Variants in FAT3 observed in about 807,000 individuals in gnomAD.
FAT3 encodes the protein FAT atypical cadherin 3, also known as protocadherin Fat 3.
FAT3 carries 95 observed loss-of-function variants against 310.2 expected under a neutral mutation model. That is an observed-to-expected ratio of 0.31 (90% CI 0.26 to 0.36). FAT3 has a LOEUF of 0.36. FAT3 is among the 10% of genes least tolerant of loss of function. FAT3 has a pLI of 1.00. For synonymous variants in FAT3, 2,314 were observed against 2,192.9 expected (o/e 1.06, Z -1.54); for missense variants, 5,408 against 5,715.6 (o/e 0.95, Z 1.74).
At chr11:92,478,257 T>C (rs1248038404) in intron 2 of FAT3, among the ~76,000 whole-genome samples, 8 of 152,236 alleles carry the variant, frequency 5.3e-5, no homozygotes, top group African/African-American at 1.9e-4. Flanking sequence ...TGCTCTTGAA[T>C]TTAATCTTAC....
intron 9 of FAT3, 116 bp from the exon 10 acceptor site, chr11:92,797,720 C>A: frequency 1.2e-6 from 1 of 853,544 alleles, no homozygotes; most frequent in Non-Finnish European, 1.8e-6. Flanking sequence ...CAGATGAGTA[C>A]TATAATTGCT....
At chr11:92,768,050 T>C (rs1946363418) in intron 6 of FAT3, among the ~76,000 whole-genome samples, 1 of 152,170 alleles carries the variant, frequency 6.6e-6, no homozygotes, top group South Asian at 2.1e-4. Context: ...AGGAGTCCCT[T>C]TAAGCTACCT....
chr11:92,723,150 T>G (rs1360381552), intron 4 of FAT3, among the ~76,000 whole-genome samples: 1 of 152,208 alleles, frequency 6.6e-6, no homozygotes, highest in Admixed American at 6.5e-5. Flanking sequence ...GCTGTTTCCC[T>G]TATAAAACTG....
At chr11:92,833,209 A>G (rs1321296646) in intron 14 of FAT3, among the ~76,000 whole-genome samples, 1 of 152,170 alleles carries the variant, frequency 6.6e-6, no homozygotes, top group African/African-American at 2.4e-5. Flanking sequence ...CCTTTGGTGA[A>G]TATTCTCACT....
chr11:92,311,049 T>C (rs12792443), intron 1 of FAT3, among the ~76,000 whole-genome samples: 2,030 of 151,858 alleles, frequency 0.013, 28 homozygotes, highest in Non-Finnish European at 0.021. Flanking sequence ...CACATATATA[T>C]ACACACACAT....
intron 3 of FAT3, among the ~76,000 whole-genome samples, chr11:92,683,273 A>G (rs970096765): frequency 6.6e-6 from 1 of 152,162 alleles, no homozygotes; most frequent in Non-Finnish European, 1.5e-5. Context: ...GAAAGTTAAG[A>G]GAGCTGACTG....
chr11:92,411,041 T>G (rs1307314658), intron 2 of FAT3, among the ~76,000 whole-genome samples: 2 of 127,202 alleles, frequency 1.6e-5, no homozygotes, highest in Admixed American at 7.5e-5. Flanking sequence ...CAGGGTAAAA[T>G]GTATATAATA....
intron 2 of FAT3, among the ~76,000 whole-genome samples, chr11:92,500,675 T>G (rs1184772322): frequency 6.6e-6 from 1 of 152,016 alleles, no homozygotes; most frequent in Non-Finnish European, 1.5e-5. Flanking sequence ...AATGAGGCTT[T>G]TGCAATAGGT....
At chr11:92,574,590 G>C (rs765763695) in intron 3 of FAT3, among the ~76,000 whole-genome samples, 3 of 152,084 alleles carry the variant, frequency 2.0e-5, no homozygotes, top group Non-Finnish European at 4.4e-5. Flanking sequence ...TTTCTCTTCC[G>C]TGGTTGCTTT....
chr11:92,380,520 T>C lies in FAT3; in HGVS notation c.3292+25116T>C, dbSNP rs911032239. On this transcript the variant is annotated intron_variant, in intron 2 of 27. Coordinates refer to ENST00000525166, the MANE Select transcript of FAT3 (RefSeq NM_001367949.2). ...CACATGAGGCGGTGCCCATGTGTCC[T>C]TCATAGTAACACTGTGAGGCATAAT... Among the ~76,000 whole-genome samples, 5 of 152,294 alleles carry C rather than the reference T, an allele frequency of 3.3e-5. No homozygotes were observed. The South Asian group carries it at 1.0e-3, about 32-fold the overall frequency.
chr11:92,337,643 G>T (rs1425078974), intron 1 of FAT3, among the ~76,000 whole-genome samples: 1 of 152,206 alleles, frequency 6.6e-6, no homozygotes, highest in Non-Finnish European at 1.5e-5. Flanking sequence ...TGTTGGCCAG[G>T]CTGGTCTCGA....
intron 4 of FAT3, among the ~76,000 whole-genome samples, chr11:92,749,818 C>T (rs1945781734): frequency 6.6e-6 from 1 of 152,180 alleles, no homozygotes; most frequent in Non-Finnish European, 1.5e-5. Flanking sequence ...TAAATTCCTA[C>T]CCATAGAGAC....
intron 3 of FAT3, among the ~76,000 whole-genome samples, chr11:92,603,487 A>G (rs555560205): frequency 6.6e-6 from 1 of 152,346 alleles, no homozygotes; most frequent in Non-Finnish European, 1.5e-5. Flanking sequence ...TGATTTCAGC[A>G]AGGTACTGGA....
chr11:92,811,211 G>T (rs940483727), intron 13 of FAT3, among the ~76,000 whole-genome samples: 6 of 152,106 alleles, frequency 3.9e-5, no homozygotes, highest in African/African-American at 1.4e-4. Context: ...CCTACAAATA[G>T]TCTCTTTTTT....
At chr11:92,482,305 A>G (rs1403555796) in intron 2 of FAT3, among the ~76,000 whole-genome samples, 1 of 152,220 alleles carries the variant, frequency 6.6e-6, no homozygotes, top group Admixed American at 6.5e-5. Context: ...TGGATATTAT[A>G]GATTTAATAG....
intron 2 of FAT3, among the ~76,000 whole-genome samples, chr11:92,458,697 A>G (rs948522507): frequency 6.6e-6 from 1 of 152,068 alleles, no homozygotes. Context: ...TTCCAATGAC[A>G]TTTTTACATG....
intron 1 of FAT3, among the ~76,000 whole-genome samples, chr11:92,286,807 G>A (rs920365259): frequency 1.6e-4 from 25 of 152,146 alleles, no homozygotes; most frequent in African/African-American, 5.8e-4. Flanking sequence ...ACTGCATTAG[G>A]TGTGTAGCCT....
At chr11:92,786,384 A>G (rs1413284334) in intron 7 of FAT3, among the ~76,000 whole-genome samples, 2 of 152,148 alleles carry the variant, frequency 1.3e-5, no homozygotes, top group Non-Finnish European at 2.9e-5. Flanking sequence ...AATTTATATC[A>G]CCAAACTTCC....
chr11:92,309,702 C>A (rs970066841), intron 1 of FAT3, among the ~76,000 whole-genome samples: 3 of 152,122 alleles, frequency 2.0e-5, no homozygotes, highest in African/African-American at 7.2e-5. Context: ...ATGGATCAGA[C>A]AGGCTGGAGT....
Sources: allele counts gnomAD v4.1 joint callset (sites outside exome capture counted in the v4.1 genomes callset), GRCh38; gene constraint gnomAD v4.1.1; transcripts MANE v1.5; gene names NCBI Gene and HGNC (gene_info 2026-07-23, HGNC 2026-07-21).